The following NRXN3 variants were observed in gnomAD, a reference collection of about 807,000 sequenced individuals.
The protein encoded by NRXN3 is neurexin III.
Under a neutral mutation model 137.6 loss-of-function variants are expected in NRXN3, and 32 were observed. The ratio of observed to expected loss-of-function variants is 0.23; its 90% CI spans 0.18 to 0.31. The LOEUF (loss-of-function observed/expected upper bound fraction) is 0.31. Ranked by LOEUF, NRXN3 falls within the 10% of genes least tolerant of loss-of-function variation. The probability of loss-of-function intolerance (pLI) is 1.00; values close to 1 mark genes in which losing one functional copy is unlikely to be tolerated. For missense variants in NRXN3, 1,574 were observed against 2,062.5 expected (o/e 0.76, Z 4.59); for synonymous variants, 798 against 784.5 (o/e 1.02, Z -0.29).
chr14:79,771,136 G>A (rs958697674), intron 19 of NRXN3, among the ~76,000 whole-genome samples: 7 of 152,102 alleles, frequency 4.6e-5, no homozygotes, highest in Non-Finnish European at 1.5e-5. Context: ...ATAATCAATA[G>A]CTTGCCAACC....
intron 15 of NRXN3, among the ~76,000 whole-genome samples, chr14:79,094,251 G>A (rs1027141913): frequency 2.6e-5 from 4 of 152,116 alleles, no homozygotes; most frequent in South Asian, 2.1e-4. Flanking sequence ...ATTGCCTACC[G>A]TGGCTTACCT....
At position 78,242,908 on chromosome 14, in the gene NRXN3, A is replaced by G; in HGVS notation, c.-186A>G. On this transcript the variant is annotated 5_prime_UTR_variant, in exon 2 of 21. Transcript: ENST00000335750. ...TTTCTTGCTTGTGTGCCCCTCTGGG[A>G]CTCTCTTGTACACTTTCCTCCATCT... is the stretch of plus-strand genomic sequence containing the variant. 1 of 504,500 alleles carries G rather than the reference A, an allele frequency of 2.0e-6. No individual in the cohort carries two copies. The highest frequency in any genetic ancestry group is 2.0e-5 in the African/African-American group (1 of 51,276). The allele number at this position is 504,500 out of a possible 1,614,324, so 31.3% of individuals were successfully genotyped here. A position where few individuals can be genotyped will look rare whatever the true frequency, so the allele number is the denominator to read the frequency against.
intron 15 of NRXN3, among the ~76,000 whole-genome samples, chr14:79,259,368 A>T (rs1279452607): frequency 6.6e-6 from 1 of 151,962 alleles, no homozygotes; most frequent in Non-Finnish European, 1.5e-5. Context: ...ACATGATCTC[A>T]TACAGAAAAC....
chr14:79,214,717 A>T (rs1046553900), intron 15 of NRXN3, among the ~76,000 whole-genome samples: 2 of 152,114 alleles, frequency 1.3e-5, no homozygotes, highest in Non-Finnish European at 2.9e-5. Flanking sequence ...CTTGGTTTCC[A>T]TGGTGTTGTG....
chr14:79,007,629 C>A (rs943071069), intron 15 of NRXN3, among the ~76,000 whole-genome samples: 8 of 151,480 alleles, frequency 5.3e-5, no homozygotes, highest in Admixed American at 3.3e-4. Flanking sequence ...CACGGTGAAA[C>A]CCCGTCTCTA....
intron 15 of NRXN3, among the ~76,000 whole-genome samples, chr14:78,998,785 G>C (rs900260454): frequency 7.9e-6 from 1 of 126,034 alleles, no homozygotes; most frequent in Admixed American, 8.3e-5. Flanking sequence ...TTTTTTTTCA[G>C]TAGAGACGGG....
At chr14:79,552,648 T>A (rs1046544010) in intron 16 of NRXN3, among the ~76,000 whole-genome samples, 2 of 152,046 alleles carry the variant, frequency 1.3e-5, no homozygotes, top group African/African-American at 4.8e-5. Context: ...TTGCCAATTT[T>A]AGAGAAAGAG....
chr14:79,856,842 T>G (rs1305915701), intron 20 of NRXN3, among the ~76,000 whole-genome samples: 1 of 152,130 alleles, frequency 6.6e-6, no homozygotes, highest in East Asian at 1.9e-4. Flanking sequence ...ACCTTTTATA[T>G]CTCTAATGAT....
intron 10 of NRXN3, among the ~76,000 whole-genome samples, chr14:78,891,740 G>A (rs2099159594): frequency 6.6e-6 from 1 of 151,908 alleles, no homozygotes; most frequent in Non-Finnish European, 1.5e-5. Flanking sequence ...AATGTGAGAT[G>A]ATTAAGAAAC....
chr14:79,259,559 A>G (rs989640627), intron 15 of NRXN3, among the ~76,000 whole-genome samples: 1 of 148,332 alleles, frequency 6.7e-6, no homozygotes, highest in Non-Finnish European at 1.5e-5. Flanking sequence ...ATATAGCTGT[A>G]TATATAGTTA....
chr14:79,862,156 C>T lies in NRXN3; in HGVS notation c.*192C>T. On this transcript the variant is annotated 3_prime_UTR_variant, in exon 21 of 21. Transcript: ENST00000335750. Reference sequence around the variant, plus strand: ...CACAGCGATGCATCTCTCTCTAAAGCTCAGCCACGGCTGCGGCAAGGTCCC... The same window carrying T: ...CACAGCGATGCATCTCTCTCTAAAGTTCAGCCACGGCTGCGGCAAGGTCCC... The T allele has an allele frequency of 1.7e-6, 1 of 573,424 alleles. No individual in the cohort carries two copies. Among genetic ancestry groups the T allele is most frequent in the Non-Finnish European group, 3.1e-6 (1 of 324,970 alleles). 35.5% of individuals were successfully genotyped at this position (573,424 alleles called of 1,614,324 possible).
In NRXN3 at chr14:78,186,016, G is replaced by A. The variant is rs947494425; in HGVS notation, c.-704+15342G>A. On this transcript the variant is annotated intron_variant, in intron 1 of 20. Coordinates refer to ENST00000335750, the MANE Select transcript of NRXN3 (RefSeq NM_001330195.2). Reference sequence around the variant, plus strand: ...TTGTGGTAATAGAACTCCAGGGGTGGTAATGTCCCTGGATTTGGCAGAATC... The same window carrying A: ...TTGTGGTAATAGAACTCCAGGGGTGATAATGTCCCTGGATTTGGCAGAATC... Among the ~76,000 whole-genome samples the A allele has an allele frequency of 2.0e-5, 3 of 152,164 alleles. No individual in the cohort carries two copies. The South Asian group carries it at 6.2e-4, about 32-fold the overall frequency.
chr14:78,645,031 GC>G, intron 4 of NRXN3, 88 bp from the exon 5 acceptor site: 1 of 1,168,816 alleles, frequency 8.6e-7, no homozygotes, highest in Non-Finnish European at 1.2e-6. Context: ...ACGGGGCAGT[GC>G]CCCTGCGGTG....
At chr14:79,769,168 G>T (rs61992365) in intron 19 of NRXN3, among the ~76,000 whole-genome samples, 4,843 of 131,986 alleles carry the variant, frequency 0.037, 172 homozygotes, top group Middle Eastern at 0.12. Context: ...GAAAGTGACC[G>T]GGAGAATGGA....
chr14:79,494,029 A>G (rs1031782079), intron 16 of NRXN3, among the ~76,000 whole-genome samples: 5 of 152,282 alleles, frequency 3.3e-5, no homozygotes, highest in South Asian at 4.1e-4. Flanking sequence ...TGTTCCATCA[A>G]TGTTTCTTGA....
At chr14:79,117,263 CA>C (rs996212448) in intron 15 of NRXN3, among the ~76,000 whole-genome samples, 4 of 152,142 alleles carry the variant, frequency 2.6e-5, no homozygotes, top group Non-Finnish European at 4.4e-5. Context: ...TAAAAGATCT[CA>C]ACATATAAAT....
At chr14:78,437,258 T>C (rs2094099456) in intron 4 of NRXN3, among the ~76,000 whole-genome samples, 2 of 152,040 alleles carry the variant, frequency 1.3e-5, no homozygotes, top group Admixed American at 6.6e-5. Flanking sequence ...TGAGGGAGAG[T>C]TGGAATTCAA....
chr14:79,355,453 A>T (rs527268630), intron 15 of NRXN3, among the ~76,000 whole-genome samples: 1 of 152,272 alleles, frequency 6.6e-6, no homozygotes, highest in East Asian at 1.9e-4. Context: ...TCGGCTCCGC[A>T]TTTTGTGTTT....
At chr14:79,712,802 C>T (rs1012464773) in intron 19 of NRXN3, among the ~76,000 whole-genome samples, 1 of 152,148 alleles carries the variant, frequency 6.6e-6, no homozygotes, top group African/African-American at 2.4e-5. Context: ...GCTCGCTGAG[C>T]CTGCCTCACA....
Sources: gnomAD v4.1 joint callset for allele counts (sites outside exome capture counted in the v4.1 genomes callset) on GRCh38, gnomAD v4.1.1 for gene constraint, MANE v1.5 for transcripts, NCBI Gene and HGNC (gene_info 2026-07-23, HGNC 2026-07-21) for gene names.